Variants in ARHGAP26 observed in about 807,000 individuals in gnomAD.
The protein encoded by ARHGAP26 is rho GTPase-activating protein 26.
ARHGAP26 carries 38 observed loss-of-function variants against 104.8 expected under a neutral mutation model. The observed-to-expected ratio is 0.36, with a 90% CI of 0.28 to 0.48. ARHGAP26 has a LOEUF of 0.48. Ranked by LOEUF, ARHGAP26 falls within the 20% of genes least tolerant of loss-of-function variation. ARHGAP26 has a pLI of 0.99. For missense variants in ARHGAP26, 704 were observed against 947.9 expected (o/e 0.74, Z 3.38); for synonymous variants, 341 against 340.0 (o/e 1.00, Z -0.03).
intron 17 of ARHGAP26, chr5:143,058,146 A>G: frequency 2.3e-6 from 1 of 443,162 alleles, no homozygotes; most frequent in Non-Finnish European, 4.5e-6. Flanking sequence ...TTTAGTAAAG[A>G]GGACTGGATT....
At chr5:143,077,468 A>T (rs553161802) in intron 17 of ARHGAP26, among the ~76,000 whole-genome samples, 6 of 152,340 alleles carry the variant, frequency 3.9e-5, no homozygotes, top group African/African-American at 1.2e-4. Flanking sequence ...GGGCTTTGGC[A>T]GGTCCTGCTT....
intron 12 of ARHGAP26, among the ~76,000 whole-genome samples, chr5:143,036,955 C>G (rs1562304807): frequency 6.6e-6 from 1 of 152,176 alleles, no homozygotes; most frequent in Non-Finnish European, 1.5e-5. Flanking sequence ...CTTGAGGTTA[C>G]TATGAGAACT....
chr5:142,867,452 C>T (rs1164157748), intron 1 of ARHGAP26, among the ~76,000 whole-genome samples: 1 of 152,102 alleles, frequency 6.6e-6, no homozygotes, highest in East Asian at 1.9e-4. Flanking sequence ...TACATACAGA[C>T]TTGGGGAAAT....
intron 20 of ARHGAP26, chr5:143,169,840 A>T (rs1802528222): frequency 6.6e-6 from 1 of 152,180 alleles, no homozygotes; most frequent in Non-Finnish European, 1.5e-5. Flanking sequence ...ACACTCCAGG[A>T]TCCAAATTTG....
chr5:142,776,875 C>G (rs1756425537), intron 1 of ARHGAP26, among the ~76,000 whole-genome samples: 2 of 152,190 alleles, frequency 1.3e-5, no homozygotes, highest in African/African-American at 4.8e-5. Context: ...GTTTCACATT[C>G]CCACCAACAA....
chr5:142,956,483 G>A (rs1455804508), intron 11 of ARHGAP26, among the ~76,000 whole-genome samples: 3 of 152,044 alleles, frequency 2.0e-5, no homozygotes, highest in Admixed American at 6.6e-5. Flanking sequence ...AAGCTGAGGC[G>A]GGAGGATTGC....
chr5:142,855,047 C>G (rs1249809431), intron 1 of ARHGAP26, among the ~76,000 whole-genome samples: 1 of 151,964 alleles, frequency 6.6e-6, no homozygotes, highest in Admixed American at 6.6e-5. Context: ...AGAAAAGTCT[C>G]TCTTAAGGCA....
chr5:142,796,686 C>G (rs114290057), intron 1 of ARHGAP26, among the ~76,000 whole-genome samples: 2,684 of 152,338 alleles, frequency 0.018, 79 homozygotes, highest in African/African-American at 0.061. Context: ...TGGACTCTGG[C>G]CCCTGCCAGC....
chr5:142,976,025 A>G (rs1554182809), intron 11 of ARHGAP26, among the ~76,000 whole-genome samples: 1 of 152,220 alleles, frequency 6.6e-6, no homozygotes, highest in Non-Finnish European at 1.5e-5. Flanking sequence ...AAACAAAGCA[A>G]AGTATATTAT....
At chr5:143,022,315 C>T (rs554240836) in intron 12 of ARHGAP26, among the ~76,000 whole-genome samples, 3 of 152,164 alleles carry the variant, frequency 2.0e-5, no homozygotes, top group Non-Finnish European at 4.4e-5. Context: ...TCAGGTGATC[C>T]GCCTGCCTCG....
intron 11 of ARHGAP26, among the ~76,000 whole-genome samples, chr5:142,981,391 A>G (rs1004225845): frequency 6.6e-6 from 1 of 152,246 alleles, no homozygotes; most frequent in Non-Finnish European, 1.5e-5. Context: ...TGAACAGAGC[A>G]TTAACAACAC....
chr5:143,212,664 A>G (rs1365260685), intron 21 of ARHGAP26, among the ~76,000 whole-genome samples: 1 of 152,196 alleles, frequency 6.6e-6, no homozygotes. Context: ...ACAGTAAACT[A>G]TGGCCCAGCA....
intron 10 of ARHGAP26, 53 bp downstream of exon 10, chr5:142,913,346 C>A: frequency 6.6e-7 from 1 of 1,510,848 alleles, no homozygotes; most frequent in East Asian, 2.3e-5. Flanking sequence ...ATTTCTATAT[C>A]TTACTTTTTC....
At chr5:143,197,067 G>T (rs1680114178) in intron 20 of ARHGAP26, among the ~76,000 whole-genome samples, 1 of 152,076 alleles carries the variant, frequency 6.6e-6, no homozygotes. Flanking sequence ...CATTTTCATT[G>T]CTGTAGAGTG....
chr5:142,857,605 A>G (rs1014974030), intron 1 of ARHGAP26, among the ~76,000 whole-genome samples: 3 of 151,886 alleles, frequency 2.0e-5, no homozygotes, highest in Non-Finnish European at 4.4e-5. Flanking sequence ...TATAGGAGGA[A>G]GTGTCTGTGA....
intron 11 of ARHGAP26, among the ~76,000 whole-genome samples, chr5:142,979,628 C>G (rs987623833): frequency 6.6e-6 from 1 of 152,220 alleles, no homozygotes; most frequent in Middle Eastern, 3.2e-3. Flanking sequence ...AAATTTCTTC[C>G]ATACACAATC....
chr5:143,094,418 G>T (rs1440376585), intron 17 of ARHGAP26, among the ~76,000 whole-genome samples: 1 of 152,150 alleles, frequency 6.6e-6, no homozygotes, highest in African/African-American at 2.4e-5. Context: ...CACCCCTGAG[G>T]CTGCCACAAG....
intron 11 of ARHGAP26, among the ~76,000 whole-genome samples, chr5:142,996,179 T>G (rs1304548078): frequency 6.6e-6 from 1 of 152,066 alleles, no homozygotes; most frequent in East Asian, 1.9e-4. Flanking sequence ...ATCCCAGAAC[T>G]TAAAGTATAA....
chr5:142,812,629 C>T (rs926741947), intron 1 of ARHGAP26, among the ~76,000 whole-genome samples: 2 of 152,050 alleles, frequency 1.3e-5, no homozygotes, highest in East Asian at 1.9e-4. Flanking sequence ...TGAGCCACCA[C>T]GCGCAGCTTC....
Sources: allele counts gnomAD v4.1 joint callset (sites outside exome capture counted in the v4.1 genomes callset), GRCh38; gene constraint gnomAD v4.1.1; transcripts MANE v1.5; gene names NCBI Gene and HGNC (gene_info 2026-07-23, HGNC 2026-07-21).